Variants in OPCML observed in about 807,000 individuals in gnomAD.
OPCML encodes opioid binding protein/cell adhesion molecule like, also known as opioid-binding protein/cell adhesion molecule.
A neutral mutation model predicts 37.8 loss-of-function variants in OPCML; 13 were observed. That is an observed-to-expected ratio of 0.34 (90% CI 0.22 to 0.55). The LOEUF (loss-of-function observed/expected upper bound fraction) is 0.55, where lower values mean the gene tolerates loss of function less well. Ranked by LOEUF, OPCML falls within the 20% of genes least tolerant of loss-of-function variation. The probability of loss-of-function intolerance (pLI) is 0.91; values close to 1 mark genes in which losing one functional copy is unlikely to be tolerated. For synonymous variants in OPCML, 176 were observed against 168.8 expected, an observed-to-expected ratio of 1.04 and a Z score of -0.33; for missense variants, 341 against 435.6, an observed-to-expected ratio of 0.78 and a Z score of 1.93.
intron 2 of OPCML, among the ~76,000 whole-genome samples, chr11:132,687,386 A>T (rs1943205727): frequency 3.2e-5 from 1 of 31,242 alleles, no homozygotes; most frequent in Admixed American, 3.5e-4. Flanking sequence ...ATATATATAT[A>T]TATATATATA....
At chr11:132,885,263 G>T (rs889194083) in intron 2 of OPCML, among the ~76,000 whole-genome samples, 2 of 152,162 alleles carry the variant, frequency 1.3e-5, no homozygotes, top group South Asian at 4.1e-4. Flanking sequence ...ATCTCTATGG[G>T]CTGCAAAACA....
intron 1 of OPCML, among the ~76,000 whole-genome samples, chr11:133,124,965 G>A (rs1949477726): frequency 6.6e-6 from 1 of 152,060 alleles, no homozygotes; most frequent in Non-Finnish European, 1.5e-5. Context: ...GACATATTGG[G>A]CAGTTGTCTC....
intron 1 of OPCML, among the ~76,000 whole-genome samples, chr11:132,991,432 T>C (rs1946774000): frequency 6.6e-6 from 1 of 152,234 alleles, no homozygotes; most frequent in African/African-American, 2.4e-5. Context: ...GGTGTCCTTG[T>C]ACATTTCTGC....
At chr11:133,384,247 CAAAAAAA>C (rs1186998875) in intron 1 of OPCML, among the ~76,000 whole-genome samples, 1 of 71,250 alleles carries the variant, frequency 1.4e-5, no homozygotes, top group Non-Finnish European at 3.0e-5. Flanking sequence ...GGCCACTGTG[CAAAAAAA>C]AAAAAAAAAA....
chr11:133,353,054 C>T (rs1327074830), intron 1 of OPCML, among the ~76,000 whole-genome samples: 1 of 152,150 alleles, frequency 6.6e-6, no homozygotes, highest in African/African-American at 2.4e-5. Context: ...TATCTATTTC[C>T]ATATTAAAAT....
At chr11:132,891,744 C>G (rs1424652824) in intron 2 of OPCML, among the ~76,000 whole-genome samples, 1 of 152,212 alleles carries the variant, frequency 6.6e-6, no homozygotes, top group Non-Finnish European at 1.5e-5. Flanking sequence ...TGGATAATAT[C>G]TTGTCACCTC....
chr11:132,973,409 T>G (rs548263422), intron 1 of OPCML, among the ~76,000 whole-genome samples: 7 of 152,336 alleles, frequency 4.6e-5, no homozygotes, highest in African/African-American at 1.7e-4. Flanking sequence ...TCCTGGCCAT[T>G]GACTCCTGTA....
intron 2 of OPCML, among the ~76,000 whole-genome samples, chr11:132,683,231 G>A (rs1257555504): frequency 2.0e-5 from 3 of 152,106 alleles, no homozygotes; most frequent in Admixed American, 1.3e-4. Flanking sequence ...AGACTCTGTC[G>A]CTACATAAAA....
rs56882175 is a variant in OPCML at position 132,975,529 on chromosome 11, C to CAAAAAAAAAAA, written c.62-32530_62-32520dup. Among the ~76,000 whole-genome samples, 22 of 42,800 alleles carry CAAAAAAAAAAA rather than the reference C, an allele frequency of 5.1e-4. 2 individuals are homozygous for CAAAAAAAAAAA. Among genetic ancestry groups the CAAAAAAAAAAA allele is most frequent in the East Asian group, 7.6e-4 (1 of 1,308 alleles). 28.1% of individuals were successfully genotyped at this position (42,800 alleles called of 152,430 possible). On this transcript the variant is annotated intron_variant, in intron 1 of 7. Coordinates refer to ENST00000524381, the MANE Select transcript of OPCML (RefSeq NM_001012393.5). Reference sequence around the variant, plus strand: ...CTGGATGTCCCATCCAGGTTTCAAGCAAAAAAAAAAAAAAAAAAAAAAAAA... The same window carrying CAAAAAAAAAAA: ...CTGGATGTCCCATCCAGGTTTCAAGCAAAAAAAAAAAAAAAAAAAAAAAAAAAAAAAAAAAA...
At chr11:133,531,724 G>A (rs77623963) in intron 1 of OPCML, among the ~76,000 whole-genome samples, 1 of 150,210 alleles carries the variant, frequency 6.7e-6, no homozygotes, top group Admixed American at 6.6e-5. Context: ...GGGAGGAGGA[G>A]AGTGGGGAGA....
chr11:132,905,334 C>T (rs1944203563), intron 2 of OPCML, among the ~76,000 whole-genome samples: 1 of 148,338 alleles, frequency 6.7e-6, no homozygotes, highest in South Asian at 2.1e-4. Flanking sequence ...CAGATTCAAG[C>T]AATTCTCATG....
intron 1 of OPCML, among the ~76,000 whole-genome samples, chr11:133,527,720 T>C (rs1026712896): frequency 9.2e-5 from 14 of 152,204 alleles, no homozygotes; most frequent in African/African-American, 3.1e-4. Flanking sequence ...CTCTGTGCAG[T>C]TGGAAACAAG....
intron 2 of OPCML, among the ~76,000 whole-genome samples, chr11:132,821,099 C>G (rs567392858): frequency 6.6e-6 from 1 of 152,254 alleles, no homozygotes; most frequent in Admixed American, 6.5e-5. Context: ...CAGGACTGTT[C>G]TTTTGCTGAC....
At chr11:133,221,705 T>G (rs772230744) in intron 1 of OPCML, among the ~76,000 whole-genome samples, 1 of 152,210 alleles carries the variant, frequency 6.6e-6, no homozygotes, top group Non-Finnish European at 1.5e-5. Context: ...GGAATTATGC[T>G]GAGCGAGTGT....
At chr11:133,438,699 G>C (rs1050616402) in intron 1 of OPCML, among the ~76,000 whole-genome samples, 2 of 152,140 alleles carry the variant, frequency 1.3e-5, no homozygotes, top group Non-Finnish European at 2.9e-5. Flanking sequence ...TCAGGAGGGG[G>C]GCTGCTTGCC....
At chr11:133,450,699 G>A (rs977296129) in intron 1 of OPCML, among the ~76,000 whole-genome samples, 1 of 151,688 alleles carries the variant, frequency 6.6e-6, no homozygotes, top group African/African-American at 2.4e-5. Flanking sequence ...CAAGGAAAAG[G>A]AAACAGAGAA....
intron 7 of OPCML, among the ~76,000 whole-genome samples, chr11:132,429,972 C>A (rs11223068): frequency 0.12 from 17,609 of 152,000 alleles, 1,296 homozygotes; most frequent in Non-Finnish European, 0.16. Flanking sequence ...AGTCACCACC[C>A]GGTTATATCA....
At chr11:132,540,395 C>T (rs1464598732) in intron 3 of OPCML, among the ~76,000 whole-genome samples, 4 of 152,150 alleles carry the variant, frequency 2.6e-5, no homozygotes, top group Non-Finnish European at 4.4e-5. Flanking sequence ...AATGTAATTG[C>T]TAATGCCAGG....
chr11:132,479,660 G>T (rs976740167), intron 4 of OPCML, among the ~76,000 whole-genome samples: 2 of 152,202 alleles, frequency 1.3e-5, no homozygotes, highest in Non-Finnish European at 2.9e-5. Flanking sequence ...GGTTCTCCCA[G>T]TACGCAGCTG....
Sources: allele counts gnomAD v4.1 joint callset (sites outside exome capture counted in the v4.1 genomes callset), GRCh38; gene constraint gnomAD v4.1.1; transcripts MANE v1.5; gene names NCBI Gene and HGNC (gene_info 2026-07-23, HGNC 2026-07-21).